The following CHTF18 variants were observed in gnomAD, a reference collection of about 807,000 sequenced individuals.
CHTF18 encodes the protein chromosome transmission fidelity factor 18.
A neutral mutation model predicts 113.4 loss-of-function variants in CHTF18; 151 were observed. That is an observed-to-expected ratio of 1.33 (90% confidence interval 1.17 to 1.52). The LOEUF (loss-of-function observed/expected upper bound fraction) is 1.52. CHTF18 is among the 40% of genes most tolerant of loss of function. The pLI, the probability that CHTF18 is intolerant of heterozygous loss-of-function variation, is 0.00. For synonymous variants in CHTF18, 916 were observed against 598.8 expected, an observed-to-expected ratio of 1.53 and a Z score of -7.74; for missense variants, 1,982 against 1,381.6, an observed-to-expected ratio of 1.43 and a Z score of -6.89.
intron 15 of CHTF18, 75 bp from the exon 16 acceptor site, chr16:795,057 C>CGGGAGGTGGAGGGTCCGTGGT: frequency 1.7e-6 from 2 of 1,195,154 alleles, no homozygotes; most frequent in Non-Finnish European, 2.3e-6. Context: ...GGGTCTGTGG[C>CGGGAGGTGGAGGGTCCGTGGT]GGGAGGTGGA....
In CHTF18 at chr16:789,105, C is replaced by T. The variant is rs1323893583; in HGVS notation, c.266C>T (p.Pro89Leu). 7 of 1,531,186 alleles carry T rather than the reference C, an allele frequency of 4.6e-6. No homozygotes were observed. The highest frequency in any genetic ancestry group is 4.2e-5 in the Admixed American group (2 of 48,110). The allele number at this position is 1,531,186 out of a possible 1,614,324, so 94.8% of individuals were successfully genotyped here. A position where few individuals can be genotyped will look rare whatever the true frequency, so the allele number is the denominator to read the frequency against. ...RKRQVDADLQ[P>L]AGSLPHAPRI... ...AGGCAGGTGGACGCCGACCTGCAGC[C>T]GGCCGGGTCCCTGCCCCACGGTAGG... The change falls in exon 2 of 22, where the codon CCG (proline) becomes CTG (leucine). Residue 89 changes from proline (P) to leucine (L), a missense_variant. Pro to Leu is a moderately conservative substitution (Grantham distance 98). Coordinates refer to ENST00000262315, the MANE Select transcript of CHTF18 (RefSeq NM_022092.3).
rs1477244719 is a variant in CHTF18 at position 789,735 on chromosome 16, C to T, written c.606+20C>T. 1.0e-5 allele frequency: 16 copies of T among 1,564,360 alleles called. No individual in the cohort carries two copies. Among genetic ancestry groups the T allele is most frequent in the Non-Finnish European group, 1.4e-5 (16 of 1,161,072 alleles). Reference sequence around the variant, plus strand: ...GTGCAGGTGCGTGGCTGTGGCCTTCCTGCACGGTGGGTGGGCCAGTGCTGC... The same window carrying T: ...GTGCAGGTGCGTGGCTGTGGCCTTCTTGCACGGTGGGTGGGCCAGTGCTGC... On this transcript the variant is annotated intron_variant, in intron 4 of 21. Coordinates refer to ENST00000262315, the MANE Select transcript of CHTF18 (RefSeq NM_022092.3).
chr16:792,216 C>G lies in CHTF18; in HGVS notation c.1203-8C>G. On this transcript the variant is annotated splice_region_variant and splice_polypyrimidine_tract_variant and intron_variant, in intron 9 of 21. Coordinates refer to ENST00000262315, the MANE Select transcript of CHTF18 (RefSeq NM_022092.3). The stretch of plus-strand genomic sequence containing the variant: ...CTGCCCTGACGACCCCTGACCTCCC[C>G]ATTGCAGTGACGACCGTAGCCCGGA... The G allele has an allele frequency of 6.4e-7, 1 of 1,571,144 alleles. No individual in the cohort carries two copies. The highest frequency in any genetic ancestry group is 1.2e-5 in the South Asian group (1 of 85,252).
At chr16:796,249 C>G (rs555043152) in intron 18 of CHTF18, among the ~76,000 whole-genome samples, 172 bp downstream of exon 18, 1 of 152,250 alleles carries the variant, frequency 6.6e-6, no homozygotes, top group South Asian at 2.1e-4. Context: ...TCACTTCCAG[C>G]TACTTGAGAT....
At chr16:793,686 T>G in intron 14 of CHTF18, 1 of 587,132 alleles carries the variant, frequency 1.7e-6, no homozygotes, top group Non-Finnish European at 3.2e-6. Flanking sequence ...TGTCCTGACG[T>G]GCCATGGGAC....
chr16:796,147 G>C lies in CHTF18; in HGVS notation c.2456+70G>C, dbSNP rs752459818. 22 of 1,539,004 alleles carry C rather than the reference G, an allele frequency of 1.4e-5. No homozygotes were observed. The South Asian group carries it at 2.3e-4, about 16-fold the overall frequency. On this transcript the variant is annotated intron_variant, in intron 18 of 21. Coordinates refer to ENST00000262315, the MANE Select transcript of CHTF18 (RefSeq NM_022092.3). Reference sequence around the variant, plus strand: ...CGGCTGTGCTCCATGTTCAGGGCCCGCATGGGGCCAGGAGTCTGAAAGCAC... The same window carrying C: ...CGGCTGTGCTCCATGTTCAGGGCCCCCATGGGGCCAGGAGTCTGAAAGCAC...
chr16:788,702 G>A lies in CHTF18; in HGVS notation c.18G>A (p.Gln6=). The A allele has an allele frequency of 3.1e-6, 5 of 1,598,498 alleles. No homozygotes were observed. The highest frequency in any genetic ancestry group is 2.2e-5 in the South Asian group (2 of 89,310). ...CGGACGGTATGGAGGACTACGAGCA[G>A]GAGCTGTGCGGCGTCGAGGATGATT... MEDYE[Q]ELCGVEDDFH... Residue 6 remains glutamine (Q), a synonymous_variant, in exon 1 of 22, where the codon CAG becomes CAA. Transcript: ENST00000262315.
In CHTF18 at chr16:790,533, C is replaced by G. The variant is rs769074733; in HGVS notation, c.761C>G (p.Ser254Trp). The change falls in exon 7 of 22, where the codon TCG becomes TGG. Residue 254 changes from serine to tryptophan, a missense_variant. Ser to Trp is a radical substitution (Grantham distance 177). Coordinates refer to ENST00000262315, the MANE Select transcript of CHTF18 (RefSeq NM_022092.3). Reference protein sequence around the residue: ...KLSDTLHSLRSGEEEAAQPLG... With the variant: ...KLSDTLHSLRWGEEEAAQPLG... ...GACGTGGTCCTCTCCAGTCTCAGGT[C>G]GGGGGAGGAGGAGGCAGCCCAGCCC... The G allele has an allele frequency of 6.3e-7, 1 of 1,599,646 alleles. No homozygotes were observed. The highest frequency in any genetic ancestry group is 1.7e-4 in the Middle Eastern group (1 of 6,034).
Position 794,283 on chromosome 16 carries a change from G to C in CHTF18, c.1950+82G>C. 2.6e-6 allele frequency: 4 copies of C among 1,510,536 alleles called. No individual in the cohort carries two copies. The South Asian group carries it at 4.9e-5, about 18-fold the overall frequency. The allele number at this position is 1,510,536 out of a possible 1,614,324, so 93.6% of individuals were successfully genotyped here. A position where few individuals can be genotyped will look rare whatever the true frequency, so the allele number is the denominator to read the frequency against. Reference sequence around the variant, plus strand: ...TGCCCCTGCCCCTGCCGGTCCTCCCGTATGGACGGGGAGGCGCTTTGGGGG... The same window carrying C: ...TGCCCCTGCCCCTGCCGGTCCTCCCCTATGGACGGGGAGGCGCTTTGGGGG... On this transcript the variant is annotated intron_variant, in intron 15 of 21. Transcript: ENST00000262315.
rs1427396056 is a variant in CHTF18 at position 789,218 on chromosome 16, A to G, written c.295A>G (p.Ile99Val). Residue 99 changes from isoleucine to valine, a missense_variant, in exon 3 of 22, where the codon ATC becomes GTC. Coordinates refer to ENST00000262315, the MANE Select transcript of CHTF18 (RefSeq NM_022092.3). ...GCATGTGTCTCCCCCAGCCCCCAGG[A>G]TCAAACGGCCTAGGCTGCAGGTGGT... ...PAGSLPHAPR[I>V]KRPRLQVVKR... 6.4e-7 allele frequency: 1 copy of G among 1,551,532 alleles called. No homozygotes were observed. Among genetic ancestry groups the G allele is most frequent in the Admixed American group, 2.0e-5 (1 of 51,148 alleles).
chr16:794,619 G>C (rs1269272053), intron 15 of CHTF18: 1 of 242,896 alleles, frequency 4.1e-6, no homozygotes, highest in African/African-American at 2.2e-5. Context: ...TAAGCTGTCT[G>C]CTGACTCTAA....
In CHTF18 at chr16:789,050, G is replaced by T; in HGVS notation, c.211G>T (p.Val71Leu). The T allele has an allele frequency of 6.5e-7, 1 of 1,538,948 alleles. No individual in the cohort carries two copies. The highest frequency in any genetic ancestry group is 2.4e-5 in the East Asian group (1 of 40,870). ...CTCCAGTCCCGCCCCAGCCGCATCT[G>T]TGGGCAGCAGCCAGGGCGGCGCCAG... Reference protein sequence around the residue: ...AASSPAPAASVGSSQGGARKR... With the variant: ...AASSPAPAASLGSSQGGARKR... The change falls in exon 2 of 22, where the codon GTG (valine) becomes TTG (leucine). Residue 71 changes from valine to leucine, a missense_variant. Coordinates refer to ENST00000262315, the MANE Select transcript of CHTF18 (RefSeq NM_022092.3).
At chr16:795,041 A>G in intron 15 of CHTF18, 91 bp from the exon 16 acceptor site, 1 of 1,031,206 alleles carries the variant, frequency 9.7e-7, no homozygotes, top group Non-Finnish European at 1.4e-6. Flanking sequence ...GGCAGGCAGG[A>G]GTGGAGGGTC....
At chr16:789,812 T>C in intron 4 of CHTF18, 97 bp downstream of exon 4, 2 of 1,411,164 alleles carry the variant, frequency 1.4e-6, no homozygotes, top group Non-Finnish European at 1.9e-6. Flanking sequence ...TTAAAGCGGG[T>C]CCTGTGCAGA....
chr16:796,197 GC>G, intron 18 of CHTF18, 120 bp downstream of exon 18: 1 of 1,323,508 alleles, frequency 7.6e-7, no homozygotes. Flanking sequence ...GGGGTGGCGG[GC>G]CCCAGCTTAT....
rs200430602 is a variant in CHTF18, at chr16:791,928, T to C, written c.1182T>C (p.Ser394=). 3 of 1,609,374 alleles carry C rather than the reference T, an allele frequency of 1.9e-6. No individual in the cohort carries two copies. Among genetic ancestry groups the C allele is most frequent in the African/African-American group, 2.7e-5 (2 of 75,020 alleles). ...AHVIARHAGY[S]VVEMNASDDR... is the part of the protein sequence containing the mutation. ...TGATTGCGCGTCACGCGGGGTACTC[T>C]GTGGTGGAGATGAACGCCAGGTGAG... is the stretch of plus-strand genomic sequence containing the variant. Residue 394 remains serine, a synonymous_variant, in exon 9 of 22, where the codon TCT becomes TCC. Transcript: ENST00000262315.
rs776154037 is a variant in CHTF18, at chr16:792,859, G to A, written c.1572+48G>A. The A allele has an allele frequency of 2.9e-5, 45 of 1,529,424 alleles. No individual in the cohort carries two copies. The Admixed American group carries it at 2.9e-4, about 10-fold the overall frequency. The allele number at this position is 1,529,424 out of a possible 1,614,324, so 94.7% of individuals were successfully genotyped here. ...TGTGGCTGATGGCGGGGTTGGGGGCGTGGCCTCGTTCTGGCCCCTGTTTCC... is the reference window on the plus strand; with the variant it reads ...TGTGGCTGATGGCGGGGTTGGGGGCATGGCCTCGTTCTGGCCCCTGTTTCC... On this transcript the variant is annotated intron_variant, in intron 12 of 21. Coordinates refer to ENST00000262315, the MANE Select transcript of CHTF18 (RefSeq NM_022092.3).
In CHTF18 at chr16:795,404, C is replaced by T. The variant is rs9930540; in HGVS notation, c.2175+48C>T. The T allele has an allele frequency of 6.3e-3, 8,884 of 1,412,368 alleles. 360 individuals are homozygous for T. Among genetic ancestry groups the T allele is most frequent in the South Asian group, 0.06 (3,984 of 66,554 alleles). The allele number at this position is 1,412,368 out of a possible 1,614,324, so 87.5% of individuals were successfully genotyped here. On this transcript the variant is annotated intron_variant, in intron 16 of 21. Transcript: ENST00000262315. ...CCTGCCCCCGGCCCCGTGCCCGCCCCCCTGTGCTGCCCGTGTGGCTGCCCC... is the reference window on the plus strand; with the variant it reads ...CCTGCCCCCGGCCCCGTGCCCGCCCTCCTGTGCTGCCCGTGTGGCTGCCCC...
In CHTF18 at chr16:791,256, G is replaced by T. The variant is rs1268811313; in HGVS notation, c.990G>T (p.Glu330Asp). The T allele has an allele frequency of 1.2e-6, 2 of 1,610,524 alleles. No individual in the cohort carries two copies. Among genetic ancestry groups the T allele is most frequent in the South Asian group, 1.1e-5 (1 of 90,646 alleles). ...CCCGGAAGCCCAGGCCCAGTGTTGA[G>T]CCGGCCCGGGTCAGCAAGGAGGCCA... ...RPSRKPRPSVEPARVSKEATA... is the reference protein window; with the variant it reads ...RPSRKPRPSVDPARVSKEATA... Residue 330 changes from glutamate to aspartate, a missense_variant, in exon 8 of 22, where the codon GAG becomes GAT. Transcript: ENST00000262315.
Sources: gnomAD v4.1 joint callset for allele counts (sites outside exome capture counted in the v4.1 genomes callset) on GRCh38, gnomAD v4.1.1 for gene constraint, MANE v1.5 for transcripts, NCBI Gene and HGNC (gene_info 2026-07-23, HGNC 2026-07-21) for gene names.